GRHL2: variants seen among roughly 807,000 people sequenced by gnomAD.
GRHL2 encodes grainyhead like transcription factor 2.
A neutral mutation model predicts 83.8 loss-of-function variants in GRHL2; 21 were observed. The ratio of observed to expected loss-of-function variants is 0.25; its 90% CI spans 0.18 to 0.36. The LOEUF (loss-of-function observed/expected upper bound fraction) is 0.36, where lower values mean the gene tolerates loss of function less well. Among genes scored for constraint, GRHL2 ranks in the 10% least tolerant of loss-of-function variants. GRHL2 has a pLI of 1.00. For missense variants in GRHL2, 623 were observed against 781.8 expected, an observed-to-expected ratio of 0.80 and a Z score of 2.42; for synonymous variants, 280 against 278.9, an observed-to-expected ratio of 1.00 and a Z score of -0.04.
At position 101,502,726 on chromosome 8, in the gene GRHL2, ACCT is replaced by A. The variant is rs539176678; in HGVS notation, c.20+9960_20+9962del. Among the ~76,000 whole-genome samples the A allele has an allele frequency of 4.7e-3, 695 of 149,460 alleles. 1 individual carries two copies. The highest frequency in any genetic ancestry group is 6.6e-3 in the Non-Finnish European group (446 of 67,164). ...AAACCTTAAGTAGGTGAAAGGGATG[ACCT>A]CCTCCTCCTCCTCCTCCTCCTCTTC... On this transcript the variant is annotated intron_variant, in intron 1 of 15. Coordinates refer to ENST00000646743, the MANE Select transcript of GRHL2 (RefSeq NM_024915.4).
downstream of GRHL2, among the ~76,000 whole-genome samples, chr8:101,671,660 G>A (rs1361015783): frequency 1.3e-5 from 2 of 152,194 alleles, no homozygotes; most frequent in Non-Finnish European, 2.9e-5. Flanking sequence ...AGACTTAAAT[G>A]TCCCTGTCTG....
At chr8:101,619,012 A>G (rs1586148870) in intron 8 of GRHL2, among the ~76,000 whole-genome samples, 1 of 152,214 alleles carries the variant, frequency 6.6e-6, no homozygotes, top group African/African-American at 2.4e-5. Context: ...CCAGCACTTT[A>G]GGAGGCTGAG....
At chr8:101,678,495 G>A in the GRHL2 span, among the ~76,000 whole-genome samples, 10 of 151,060 alleles carry the variant, frequency 6.6e-5, no homozygotes, top group African/African-American at 2.5e-4. Flanking sequence ...AGGTGGCAGC[G>A]AGGCTGGGGA....
At chr8:101,678,433 C>T in the GRHL2 span, among the ~76,000 whole-genome samples, 11 of 152,000 alleles carry the variant, frequency 7.2e-5, no homozygotes, top group South Asian at 2.1e-4. Context: ...GAGGGTCCTA[C>T]GCCCACGGAG....
At chr8:101,672,471 G>A (rs946212025), downstream of GRHL2, among the ~76,000 whole-genome samples, 3 of 151,656 alleles carry the variant, frequency 2.0e-5, no homozygotes, top group Non-Finnish European at 2.9e-5. Flanking sequence ...AAGATGAAAT[G>A]AATGAAATGA....
intron 13 of GRHL2, among the ~76,000 whole-genome samples, chr8:101,646,181 T>A (rs2387623): frequency 0.37 from 56,095 of 152,066 alleles, 11,765 homozygotes; most frequent in African/African-American, 0.58. Flanking sequence ...CTTTAAAAAA[T>A]TTTCTGATTT....
intron 7 of GRHL2, among the ~76,000 whole-genome samples, chr8:101,588,957 A>T (rs1812222298): frequency 6.6e-6 from 1 of 152,150 alleles, no homozygotes; most frequent in Non-Finnish European, 1.5e-5. Flanking sequence ...TGGATATGTC[A>T]TCTGGGGTGG....
chr8:101,526,210 A>C lies in GRHL2; in HGVS notation c.21-17031A>C, dbSNP rs1810799712. Among the ~76,000 whole-genome samples the C allele has an allele frequency of 3.3e-5, 5 of 152,334 alleles. No homozygotes were observed. The South Asian group carries it at 8.3e-4, about 25-fold the overall frequency. On this transcript the variant is annotated intron_variant, in intron 1 of 15. Transcript: ENST00000646743. ...ACTATATATTCTTTGATACCTCACC[A>C]AAATTCAAAACTGGTAGTTTTTAAA...
At chr8:101,661,971 T>C (rs1459143062) in intron 14 of GRHL2, among the ~76,000 whole-genome samples, 1 of 152,240 alleles carries the variant, frequency 6.6e-6, no homozygotes, top group Non-Finnish European at 1.5e-5. Context: ...CTATGCTCTA[T>C]CCTTTTGCTT....
chr8:101,510,386 A>G (rs553179391), intron 1 of GRHL2, among the ~76,000 whole-genome samples: 5 of 152,344 alleles, frequency 3.3e-5, no homozygotes, highest in African/African-American at 1.2e-4. Flanking sequence ...TCAGCAGAGC[A>G]TTATATACAG....
Position 101,667,523 on chromosome 8 carries a change from G to A in GRHL2, c.*820G>A, listed in dbSNP as rs1180281672. On this transcript the variant is annotated 3_prime_UTR_variant, in exon 16 of 16. Coordinates refer to ENST00000646743, the MANE Select transcript of GRHL2 (RefSeq NM_024915.4). Reference sequence around the variant, plus strand: ...TTGGGATGTTAAGGTGACTGCAGCTGATGCCAAGATGGACTCTGCAATGGG... The same window carrying A: ...TTGGGATGTTAAGGTGACTGCAGCTAATGCCAAGATGGACTCTGCAATGGG... 6.6e-6 allele frequency: 1 copy of A among 152,654 alleles called. No individual in the cohort carries two copies. The highest frequency in any genetic ancestry group is 2.4e-5 in the African/African-American group (1 of 41,448). 9.5% of individuals were successfully genotyped at this position (152,654 alleles called of 1,614,324 possible).
chr8:101,565,880 A>G (rs1811707183), intron 4 of GRHL2, among the ~76,000 whole-genome samples: 2 of 152,372 alleles, frequency 1.3e-5, no homozygotes, highest in East Asian at 3.9e-4. Flanking sequence ...CATAGTTTGC[A>G]GAGCATCTTG....
At chr8:101,589,446 A>G (rs897862501) in intron 7 of GRHL2, among the ~76,000 whole-genome samples, 2 of 152,228 alleles carry the variant, frequency 1.3e-5, no homozygotes, top group African/African-American at 4.8e-5. Context: ...ACCTATTGTC[A>G]GTTTGAAATC....
At chr8:101,511,472 C>T (rs949222294) in intron 1 of GRHL2, among the ~76,000 whole-genome samples, 1 of 152,102 alleles carries the variant, frequency 6.6e-6, no homozygotes, top group Admixed American at 6.6e-5. Flanking sequence ...CTCAGGCTCT[C>T]GAGTAGCTGG....
At chr8:101,581,419 G>A (rs939613545) in intron 7 of GRHL2, among the ~76,000 whole-genome samples, 6 of 152,156 alleles carry the variant, frequency 3.9e-5, no homozygotes, top group African/African-American at 1.4e-4. Flanking sequence ...GTTCACTCTT[G>A]TGAGCTCCTT....
intron 4 of GRHL2, 63 bp downstream of exon 4, chr8:101,558,875 T>C: frequency 6.5e-7 from 1 of 1,548,736 alleles, no homozygotes. Context: ...AATTTTTTTC[T>C]ATTTCCTTTC....
intron 7 of GRHL2, among the ~76,000 whole-genome samples, chr8:101,588,150 A>G (rs1812205910): frequency 1.3e-5 from 2 of 152,184 alleles, no homozygotes; most frequent in Admixed American, 6.5e-5. Flanking sequence ...TTGTTTAACA[A>G]TCCTGTGCCA....
rs191849166 is a variant in GRHL2, at chr8:101,660,696, G to A, written c.1699-3758G>A. Among the ~76,000 whole-genome samples, 6 of 151,970 alleles carry A rather than the reference G, an allele frequency of 3.9e-5. No homozygotes were observed. In the East Asian group the frequency reaches 5.8e-4, roughly 15 times the overall value. On this transcript the variant is annotated intron_variant, in intron 14 of 15. Transcript: ENST00000646743. Reference sequence around the variant, plus strand: ...TTTAAATTTGAAAATTATTATTTACGTTTCCTAAATTTTCCAAATTCCTGA... The same window carrying A: ...TTTAAATTTGAAAATTATTATTTACATTTCCTAAATTTTCCAAATTCCTGA...
chr8:101,554,749 A>C lies in GRHL2; in HGVS notation c.284+1967A>C, dbSNP rs572664376. 6.6e-5 allele frequency among the ~76,000 whole-genome samples: 10 copies of C among 152,372 alleles called. No individual in the cohort carries two copies. In the East Asian group the frequency reaches 1.9e-3, roughly 29 times the overall value. ...ATGACATGATCCGAATTTTCTAAAA[A>C]GTATGTTTAACACACCATTATTATC... On this transcript the variant is annotated intron_variant, in intron 3 of 15. Coordinates refer to ENST00000646743, the MANE Select transcript of GRHL2 (RefSeq NM_024915.4).
Sources: allele counts gnomAD v4.1 joint callset (sites outside exome capture counted in the v4.1 genomes callset), GRCh38; gene constraint gnomAD v4.1.1; transcripts MANE v1.5; gene names NCBI Gene and HGNC (gene_info 2026-07-23, HGNC 2026-07-21).